The following TENM4 variants were observed in gnomAD, a reference collection of about 807,000 sequenced individuals.
TENM4 encodes the protein teneurin transmembrane protein 4, also known as teneurin-4.
A neutral mutation model predicts 243.3 loss-of-function variants in TENM4; 82 were observed. That is an observed-to-expected ratio of 0.34 (90% confidence interval 0.28 to 0.40). The LOEUF is 0.40. TENM4 is among the 10% of genes least tolerant of loss of function. The probability of loss-of-function intolerance (pLI) is 1.00; values close to 1 mark genes in which losing one functional copy is unlikely to be tolerated. For synonymous variants in TENM4, 1,412 were observed against 1,456.3 expected (o/e 0.97, Z 0.69); for missense variants, 3,138 against 3,673.3 (o/e 0.85, Z 3.77).
chr11:79,141,454 A>T (rs117520231), intron 4 of TENM4, among the ~76,000 whole-genome samples: 8,389 of 152,130 alleles, frequency 0.055, 336 homozygotes, highest in Non-Finnish European at 0.078. Context: ...GAAATCCAAA[A>T]CCTGAACAGA....
intron 2 of TENM4, among the ~76,000 whole-genome samples, chr11:79,271,975 G>A (rs954884721): frequency 1.3e-5 from 2 of 152,160 alleles, no homozygotes; most frequent in Non-Finnish European, 2.9e-5. Context: ...GAACATAGAT[G>A]ATCTCATTTG....
chr11:79,140,934 T>C (rs914499971), intron 4 of TENM4, among the ~76,000 whole-genome samples: 2 of 152,010 alleles, frequency 1.3e-5, no homozygotes, highest in African/African-American at 4.8e-5. Context: ...CAGAGGTAGC[T>C]GGGCCTCTGA....
intron 2 of TENM4, among the ~76,000 whole-genome samples, chr11:79,258,007 G>A (rs1467620195): frequency 6.6e-6 from 1 of 152,172 alleles, no homozygotes; most frequent in Non-Finnish European, 1.5e-5. Flanking sequence ...AAACACCTGC[G>A]AGGTGAGGGG....
At chr11:78,784,891 G>A (rs767509946) in intron 16 of TENM4, among the ~76,000 whole-genome samples, 2 of 152,136 alleles carry the variant, frequency 1.3e-5, no homozygotes, top group Non-Finnish European at 2.9e-5. Flanking sequence ...GTGACTAGAC[G>A]AAGGGAGAGG....
intron 18 of TENM4, among the ~76,000 whole-genome samples, chr11:78,766,892 T>C (rs1342472443): frequency 1.3e-5 from 2 of 151,984 alleles, no homozygotes; most frequent in African/African-American, 4.8e-5. Flanking sequence ...TTAGTACAGA[T>C]GGGGTTTCGC....
At chr11:78,766,028 A>G (rs914274384) in intron 18 of TENM4, among the ~76,000 whole-genome samples, 1 of 152,244 alleles carries the variant, frequency 6.6e-6, no homozygotes, top group African/African-American at 2.4e-5. Flanking sequence ...AATATTTACA[A>G]ATACATATTT....
chr11:78,804,100 G>C (rs1383037820), intron 15 of TENM4, among the ~76,000 whole-genome samples: 1 of 152,180 alleles, frequency 6.6e-6, no homozygotes, highest in African/African-American at 2.4e-5. Flanking sequence ...ACAACATAAT[G>C]AGCTAATCTG....
chr11:79,225,630 C>T (rs1864248406), intron 2 of TENM4, among the ~76,000 whole-genome samples: 1 of 152,090 alleles, frequency 6.6e-6, no homozygotes, highest in South Asian at 2.1e-4. Flanking sequence ...AGGCATACAC[C>T]ACCATGCTGG....
chr11:79,137,420 C>T (rs572019662), intron 4 of TENM4, among the ~76,000 whole-genome samples: 47 of 152,198 alleles, frequency 3.1e-4, no homozygotes, highest in African/African-American at 4.6e-4. Context: ...TGGAAAACTA[C>T]GACAGACCAA....
At chr11:78,841,826 G>A (rs763475521) in intron 12 of TENM4, among the ~76,000 whole-genome samples, 7 of 151,996 alleles carry the variant, frequency 4.6e-5, no homozygotes, top group Non-Finnish European at 8.8e-5. Context: ...TCCTGAACTC[G>A]TGGTGACCCT....
At chr11:79,011,390 G>A (rs1378612573) in intron 6 of TENM4, among the ~76,000 whole-genome samples, 1 of 152,230 alleles carries the variant, frequency 6.6e-6, no homozygotes, top group Non-Finnish European at 1.5e-5. Flanking sequence ...GAATTTTGGA[G>A]TCCCAGTTCC....
At chr11:78,708,965 C>CTTTTTT (rs1188328355) in intron 26 of TENM4, among the ~76,000 whole-genome samples, 3 of 132,820 alleles carry the variant, frequency 2.3e-5, no homozygotes, top group Admixed American at 7.1e-5. Context: ...CTTTCTTTTT[C>CTTTTTT]TTTCTTTTTT....
intron 2 of TENM4, among the ~76,000 whole-genome samples, chr11:79,279,369 A>G (rs76842242): frequency 0.13 from 19,834 of 152,218 alleles, 1,367 homozygotes; most frequent in African/African-American, 0.18. Context: ...AGAGGCAGGC[A>G]GAAAGGGAGA....
intron 6 of TENM4, among the ~76,000 whole-genome samples, chr11:78,907,426 A>T (rs1464743849): frequency 6.6e-6 from 1 of 152,092 alleles, no homozygotes; most frequent in Non-Finnish European, 1.5e-5. Context: ...TACACTAGGT[A>T]TTGGGAATAA....
chr11:79,084,160 C>G (rs1280292943), intron 4 of TENM4, among the ~76,000 whole-genome samples: 1 of 152,172 alleles, frequency 6.6e-6, no homozygotes, highest in East Asian at 1.9e-4. Context: ...AATTAAACCA[C>G]AGTGAGCTAT....
chr11:78,704,664 AGAG>A (rs1358579783), intron 27 of TENM4, among the ~76,000 whole-genome samples: 4 of 152,210 alleles, frequency 2.6e-5, no homozygotes, highest in Admixed American at 2.6e-4. Flanking sequence ...TTATAGATAA[AGAG>A]GAGATTAAGT....
At chr11:78,919,069 G>C (rs1049894629) in intron 6 of TENM4, among the ~76,000 whole-genome samples, 1 of 152,120 alleles carries the variant, frequency 6.6e-6, no homozygotes, top group Non-Finnish European at 1.5e-5. Context: ...TATTCCTAAT[G>C]GTCCCAGCAC....
chr11:79,291,889 C>T (rs193059957), intron 2 of TENM4, among the ~76,000 whole-genome samples: 5 of 152,172 alleles, frequency 3.3e-5, no homozygotes, highest in African/African-American at 1.2e-4. Flanking sequence ...GGCACTAGCA[C>T]CCCTCACTGC....
At chr11:78,811,858 C>G (rs1857508224) in intron 14 of TENM4, among the ~76,000 whole-genome samples, 1 of 152,246 alleles carries the variant, frequency 6.6e-6, no homozygotes, top group Non-Finnish European at 1.5e-5. Flanking sequence ...GTTTGAATTA[C>G]ATGACTCGAG....
Sources: allele counts gnomAD v4.1 joint callset (sites outside exome capture counted in the v4.1 genomes callset), GRCh38; gene constraint gnomAD v4.1.1; transcripts MANE v1.5; gene names NCBI Gene and HGNC (gene_info 2026-07-23, HGNC 2026-07-21).